SPATA13: variants seen among roughly 807,000 people sequenced by gnomAD.
The protein encoded by SPATA13 is spermatogenesis associated 13, also known as spermatogenesis-associated protein 13.
In SPATA13, 50 loss-of-function variants were observed where a neutral mutation model predicts 104.0. The ratio of observed to expected loss-of-function variants is 0.48; its 90% CI spans 0.38 to 0.61. The LOEUF is 0.61. Ranked by LOEUF, SPATA13 falls within the 20% of genes least tolerant of loss-of-function variation. The probability of loss-of-function intolerance (pLI) is 0.00; values close to 1 mark genes in which losing one functional copy is unlikely to be tolerated. For missense variants in SPATA13, 1,524 were observed against 1,690.6 expected (o/e 0.90, Z 1.73); for synonymous variants, 606 against 667.5 (o/e 0.91, Z 1.42).
intron 1 of SPATA13, among the ~76,000 whole-genome samples, chr13:23,982,498 GAAAACT>G (rs1207110570): frequency 6.6e-6 from 1 of 152,058 alleles, no homozygotes; most frequent in Non-Finnish European, 1.5e-5. Context: ...CCGGACTGAT[GAAAACT>G]AGAGTAGAAC....
chr13:24,207,195 C>A (rs1185287132), intron 1 of SPATA13, among the ~76,000 whole-genome samples: 2 of 152,082 alleles, frequency 1.3e-5, no homozygotes, highest in Non-Finnish European at 2.9e-5. Context: ...TGGTGGGGAA[C>A]AACACACGGT....
In SPATA13 at chr13:24,249,459, C is replaced by G. The variant is rs1357532644; in HGVS notation, c.1654-18C>G. The G allele has an allele frequency of 7.2e-6, 11 of 1,525,800 alleles. No individual in the cohort carries two copies. The East Asian group carries it at 2.0e-4, about 27-fold the overall frequency. 94.5% of individuals were successfully genotyped at this position (1,525,800 alleles called of 1,614,324 possible). A position where few individuals can be genotyped will look rare whatever the true frequency, so the allele number is the denominator to read the frequency against. Reference sequence around the variant, plus strand: ...CTTCCTGGATATTGAGCTCACCTGACCTGTTCGCATTTGAAAGGTCGTCCC... The same window carrying G: ...CTTCCTGGATATTGAGCTCACCTGAGCTGTTCGCATTTGAAAGGTCGTCCC... On this transcript the variant is annotated intron_variant, in intron 2 of 12. Coordinates refer to ENST00000382108, the MANE Select transcript of SPATA13 (RefSeq NM_001166271.3).
At chr13:24,081,686 AATAAATAAAAAGT>A (rs1879525945) in intron 3 of SPATA13, among the ~76,000 whole-genome samples, 1 of 148,736 alleles carries the variant, frequency 6.7e-6, no homozygotes, top group Admixed American at 6.9e-5. Flanking sequence ...TTAAAAAATA[AATAAATAAAAAGT>A]AAGCATAAAT....
intron 1 of SPATA13, among the ~76,000 whole-genome samples, chr13:24,214,771 T>C (rs1276323434): frequency 6.6e-6 from 1 of 152,324 alleles, no homozygotes; most frequent in Non-Finnish European, 1.5e-5. Context: ...GCTTCTGCCT[T>C]GTAAAGGGTA....
chr13:24,262,499 T>C (rs1874107277), intron 4 of SPATA13, among the ~76,000 whole-genome samples: 1 of 152,224 alleles, frequency 6.6e-6, no homozygotes, highest in Admixed American at 6.5e-5. Flanking sequence ...AGGTTACTCA[T>C]ACAGTTATTC....
At chr13:24,290,918 C>T (rs766311753) in intron 9 of SPATA13, 34 bp downstream of exon 9, 6 of 1,549,890 alleles carry the variant, frequency 3.9e-6, no homozygotes, top group Admixed American at 3.4e-5. Context: ...CAGGTGAGAG[C>T]ACTGCTGCCA....
At chr13:24,013,824 C>T (rs1259297415) in intron 2 of SPATA13, among the ~76,000 whole-genome samples, 2 of 151,492 alleles carry the variant, frequency 1.3e-5, no homozygotes, top group African/African-American at 2.4e-5. Context: ...GTGCTGCATA[C>T]AGTCAATAGC....
Position 24,160,801 on chromosome 13 carries a change from C to A in SPATA13, c.-243C>A, listed in dbSNP as rs1593368337. ...CCCTGCCGGTCGCTAGCTCCGAGGG[C>A]GCGCACTGGATCCCAGGCTCCTCCG... On this transcript the variant is annotated 5_prime_UTR_variant, in exon 1 of 13. Coordinates refer to ENST00000382108, the MANE Select transcript of SPATA13 (RefSeq NM_001166271.3). 1 of 985,448 alleles carries A rather than the reference C, an allele frequency of 1.0e-6. No homozygotes were observed. Among genetic ancestry groups the A allele is most frequent in the East Asian group, 1.1e-4 (1 of 8,784 alleles). 61.0% of individuals were successfully genotyped at this position (985,448 alleles called of 1,614,324 possible). A position where few individuals can be genotyped will look rare whatever the true frequency, so the allele number is the denominator to read the frequency against.
intron 3 of SPATA13, among the ~76,000 whole-genome samples, chr13:24,021,421 A>T (rs1876967280): frequency 1.3e-5 from 2 of 152,198 alleles, no homozygotes; most frequent in Admixed American, 6.5e-5. Flanking sequence ...TGAGCCCAGG[A>T]GTTTGAGGCT....
chr13:24,212,723 C>T (rs1171385400), intron 1 of SPATA13, among the ~76,000 whole-genome samples: 4 of 152,138 alleles, frequency 2.6e-5, no homozygotes, highest in South Asian at 2.1e-4. Context: ...CACATGCCTG[C>T]GCAGTCACTT....
intron 3 of SPATA13, among the ~76,000 whole-genome samples, chr13:24,025,576 T>C (rs143378628): frequency 1.3e-5 from 2 of 152,214 alleles, no homozygotes; most frequent in African/African-American, 4.8e-5. Flanking sequence ...AATTTATATG[T>C]AAAACAGTGG....
At chr13:24,035,276 T>C (rs1426419318) in intron 3 of SPATA13, among the ~76,000 whole-genome samples, 1 of 144,238 alleles carries the variant, frequency 6.9e-6, no homozygotes, top group Non-Finnish European at 1.5e-5. Flanking sequence ...TGCCTCAGCC[T>C]CCCGAGTAGC....
intron 3 of SPATA13, among the ~76,000 whole-genome samples, chr13:24,019,492 G>A (rs1468971408): frequency 6.6e-6 from 1 of 152,162 alleles, no homozygotes; most frequent in Non-Finnish European, 1.5e-5. Flanking sequence ...ATTATGTTTT[G>A]TTTGTGAACT....
At chr13:24,018,119 T>C (rs900351331) in intron 3 of SPATA13, among the ~76,000 whole-genome samples, 1 of 152,242 alleles carries the variant, frequency 6.6e-6, no homozygotes, top group Non-Finnish European at 1.5e-5. Flanking sequence ...CATTTTAAGA[T>C]ACTTTACTGT....
In SPATA13 at chr13:24,133,608, A is replaced by G. The variant is rs1040639026; in HGVS notation, c.-111-89211A>G. Among the ~76,000 whole-genome samples, 4 of 152,224 alleles carry G rather than the reference A, an allele frequency of 2.6e-5. No individual in the cohort carries two copies. In the East Asian group the frequency reaches 7.7e-4, roughly 29 times the overall value. ...AGGCAACAGGTGGTAGGTAGGCGTA[A>G]AGGTGTGTGTGGGATGGACCATAAC... On this transcript the variant is annotated intron_variant, in intron 3 of 14. Coordinates refer to the SPATA13 transcript ENST00000424834.
In SPATA13 at chr13:24,189,839, T is replaced by TATATATCA. The variant is rs1382988625; in HGVS notation, c.-112+28907_-112+28908insATATATCA. Among the ~76,000 whole-genome samples, 26 of 30,442 alleles carry TATATATCA rather than the reference T, an allele frequency of 8.5e-4. 4 individuals are homozygous for TATATATCA. Among genetic ancestry groups the TATATATCA allele is most frequent in the South Asian group, 1.3e-3 (1 of 790 alleles). 20.0% of individuals were successfully genotyped at this position (30,442 alleles called of 152,430 possible). ...ATTATAAATATATATAAAATGATAT[T>TATATATCA]TAATATATTATATTAATATATCATA... On this transcript the variant is annotated intron_variant, in intron 1 of 12. Transcript: ENST00000382108.
intron 1 of SPATA13, among the ~76,000 whole-genome samples, chr13:24,163,084 A>T (rs993453675): frequency 6.6e-5 from 10 of 152,178 alleles, no homozygotes; most frequent in Non-Finnish European, 1.2e-4. Flanking sequence ...AGCCACAGGA[A>T]GCCCTGAAGA....
At chr13:24,171,911 T>C (rs1028014975) in intron 1 of SPATA13, among the ~76,000 whole-genome samples, 1 of 152,132 alleles carries the variant, frequency 6.6e-6, no homozygotes, top group Non-Finnish European at 1.5e-5. Flanking sequence ...ACCTCAAAAT[T>C]CTTATTTATC....
intron 2 of SPATA13, among the ~76,000 whole-genome samples, chr13:24,004,707 C>G (rs923789290): frequency 2.0e-5 from 3 of 152,176 alleles, no homozygotes; most frequent in Non-Finnish European, 4.4e-5. Flanking sequence ...TGAAAATTTA[C>G]ATTCCATACG....
Sources: gnomAD v4.1 joint callset for allele counts (sites outside exome capture counted in the v4.1 genomes callset) on GRCh38, gnomAD v4.1.1 for gene constraint, MANE v1.5 for transcripts, NCBI Gene and HGNC (gene_info 2026-07-23, HGNC 2026-07-21) for gene names.